KCNIP1: variants seen among roughly 807,000 people sequenced by gnomAD.
The protein encoded by KCNIP1 is A-type potassium channel modulatory protein KCNIP1.
In KCNIP1, 18 loss-of-function variants were observed where a neutral mutation model predicts 33.0. The observed-to-expected ratio is 0.55, with a 90% CI of 0.38 to 0.81. KCNIP1 has a LOEUF of 0.81. KCNIP1 is among the 30% of genes least tolerant of loss of function. KCNIP1 has a pLI of 0.00. For missense variants in KCNIP1, 238 were observed against 271.6 expected (o/e 0.88, Z 0.87); for synonymous variants, 93 against 98.3 (o/e 0.95, Z 0.32).
At chr5:170,632,989 C>T (rs915030101) in intron 1 of KCNIP1, among the ~76,000 whole-genome samples, 10 of 152,324 alleles carry the variant, frequency 6.6e-5, no homozygotes, top group Non-Finnish European at 1.3e-4. Context: ...GGCCATTTCC[C>T]TCCCTTCTCC....
chr5:170,466,196 T>C (rs565725373), intron 1 of KCNIP1, among the ~76,000 whole-genome samples: 2 of 152,204 alleles, frequency 1.3e-5, no homozygotes, highest in South Asian at 4.1e-4. Context: ...GAGAAGGCAA[T>C]GTCAAGAGTG....
At chr5:170,703,298 G>T in intron 1 of KCNIP1, among the ~76,000 whole-genome samples, 1 of 138,020 alleles carries the variant, frequency 7.2e-6, no homozygotes, top group Non-Finnish European at 1.5e-5. Flanking sequence ...GAGTGATGAT[G>T]ACTCTAACAA....
chr5:170,441,939 G>A (rs1227346114), intron 1 of KCNIP1, among the ~76,000 whole-genome samples: 4 of 126,136 alleles, frequency 3.2e-5, no homozygotes, highest in Middle Eastern at 5.3e-3. Context: ...GTGACAGAGC[G>A]AGACTCCATC....
chr5:170,492,459 G>A (rs551522156), intron 1 of KCNIP1, among the ~76,000 whole-genome samples: 9 of 152,268 alleles, frequency 5.9e-5, no homozygotes, highest in African/African-American at 2.2e-4. Flanking sequence ...GGTGCTTAGG[G>A]GTTTTTATGG....
At chr5:170,575,158 T>C (rs1417916649) in intron 1 of KCNIP1, among the ~76,000 whole-genome samples, 1 of 152,212 alleles carries the variant, frequency 6.6e-6, no homozygotes, top group African/African-American at 2.4e-5. Context: ...ATTAAACTAA[T>C]GTTGTTAATT....
At chr5:170,363,082 T>G (rs1431505322) in intron 1 of KCNIP1, among the ~76,000 whole-genome samples, 4 of 152,186 alleles carry the variant, frequency 2.6e-5, no homozygotes, top group Non-Finnish European at 4.4e-5. Flanking sequence ...GCTACCTATT[T>G]TCTGGGGGCT....
intron 1 of KCNIP1, among the ~76,000 whole-genome samples, chr5:170,394,377 A>T (rs1343116164): frequency 6.6e-6 from 1 of 152,170 alleles, no homozygotes; most frequent in African/African-American, 2.4e-5. Flanking sequence ...CTCTAAAATC[A>T]GGGACTGGAA....
chr5:170,669,528 C>A (rs1226656306), intron 1 of KCNIP1: 14 of 985,106 alleles, frequency 1.4e-5, no homozygotes, highest in African/African-American at 1.7e-5. Flanking sequence ...GTTGAAAGGA[C>A]AGATGGATGG....
At chr5:170,402,743 A>C (rs538787136) in intron 1 of KCNIP1, among the ~76,000 whole-genome samples, 302 of 152,354 alleles carry the variant, frequency 2.0e-3, no homozygotes, top group Middle Eastern at 3.4e-3. Context: ...GTGGCTTCTC[A>C]GCATGAGTAT....
At chr5:170,584,996 C>T (rs1329519218) in intron 1 of KCNIP1, among the ~76,000 whole-genome samples, 2 of 152,082 alleles carry the variant, frequency 1.3e-5, no homozygotes, top group African/African-American at 2.4e-5. Context: ...GGCATTATCC[C>T]ATGTAACCCC....
chr5:170,432,950 G>C (rs141856855), intron 1 of KCNIP1, among the ~76,000 whole-genome samples: 1 of 152,102 alleles, frequency 6.6e-6, no homozygotes, highest in Non-Finnish European at 1.5e-5. Flanking sequence ...TGGTCTAAGC[G>C]ATCAGGGAAT....
At chr5:170,523,715 C>G (rs987653890) in intron 1 of KCNIP1, among the ~76,000 whole-genome samples, 1 of 152,116 alleles carries the variant, frequency 6.6e-6, no homozygotes, top group South Asian at 2.1e-4. Context: ...GCGGATGACA[C>G]CAAGTGTCTT....
chr5:170,725,997 C>T (rs914465792), intron 5 of KCNIP1, among the ~76,000 whole-genome samples: 2 of 152,006 alleles, frequency 1.3e-5, no homozygotes, highest in African/African-American at 4.8e-5. Context: ...GGATTATAGA[C>T]TTAAATATTA....
chr5:170,618,109 A>C (rs547266193), intron 1 of KCNIP1, among the ~76,000 whole-genome samples: 33 of 152,334 alleles, frequency 2.2e-4, no homozygotes, highest in Admixed American at 8.5e-4. Flanking sequence ...TTTCATTTAC[A>C]TAAGTGTCCT....
chr5:170,486,176 G>A (rs1757090851), intron 1 of KCNIP1: 1 of 152,178 alleles, frequency 6.6e-6, no homozygotes, highest in African/African-American at 2.4e-5. Context: ...CTGTTCCCTG[G>A]TGACAGGTGT....
chr5:170,671,167 C>T (rs1761907428), intron 1 of KCNIP1, among the ~76,000 whole-genome samples: 1 of 152,138 alleles, frequency 6.6e-6, no homozygotes, highest in Non-Finnish European at 1.5e-5. Flanking sequence ...AATGTTGTTC[C>T]TTTTCTTAAA....
chr5:170,582,479 G>T (rs1457455623), intron 1 of KCNIP1, among the ~76,000 whole-genome samples: 1 of 152,158 alleles, frequency 6.6e-6, no homozygotes, highest in East Asian at 1.9e-4. Flanking sequence ...TTATAATATT[G>T]CATCTACCCC....
chr5:170,465,770 T>C (rs890264005), intron 1 of KCNIP1, among the ~76,000 whole-genome samples: 2 of 152,152 alleles, frequency 1.3e-5, no homozygotes, highest in Non-Finnish European at 2.9e-5. Flanking sequence ...GGGAAGAAAT[T>C]TGCTAGTTAA....
rs142666369 is a variant in KCNIP1, at chr5:170,712,810, T to C, written c.62-5948T>C. 7.9e-5 allele frequency: 127 copies of C among 1,603,476 alleles called. No homozygotes were observed. In the East Asian group the frequency reaches 2.6e-3, roughly 33 times the overall value. On this transcript the variant is annotated intron_variant, in intron 1 of 7. Coordinates refer to ENST00000328939, the MANE Select transcript of KCNIP1 (RefSeq NM_014592.4). Reference sequence around the variant, plus strand: ...TTGACAATAAAAGTGTGTTTTGCTTTTCGATGAATCGATTTGGTAAAATGT... The same window carrying C: ...TTGACAATAAAAGTGTGTTTTGCTTCTCGATGAATCGATTTGGTAAAATGT...
Sources: allele counts gnomAD v4.1 joint callset (sites outside exome capture counted in the v4.1 genomes callset), GRCh38; gene constraint gnomAD v4.1.1; transcripts MANE v1.5; gene names NCBI Gene and HGNC (gene_info 2026-07-23, HGNC 2026-07-21).